The following ADCY2 variants were observed in gnomAD, a reference collection of about 807,000 sequenced individuals.
ADCY2 encodes the protein adenylate cyclase type 2.
Under a neutral mutation model 125.2 loss-of-function variants are expected in ADCY2, and 31 were observed. The ratio of observed to expected loss-of-function variants is 0.25; its 90% CI spans 0.19 to 0.33. The LOEUF is 0.33. Among genes scored for constraint, ADCY2 ranks in the 10% least tolerant of loss-of-function variants. ADCY2 has a pLI of 1.00. For missense variants in ADCY2, 904 were observed against 1,418.2 expected, an observed-to-expected ratio of 0.64 and a Z score of 5.82; for synonymous variants, 512 against 548.4, an observed-to-expected ratio of 0.93 and a Z score of 0.93.
chr5:7,794,712 C>G (rs898356684), intron 20 of ADCY2: 2 of 152,148 alleles, frequency 1.3e-5, no homozygotes, highest in African/African-American at 4.8e-5. Flanking sequence ...GCCATCGGAC[C>G]CTGCTGCCCT....
At chr5:7,812,476 C>A (rs373783313) in intron 22 of ADCY2, among the ~76,000 whole-genome samples, 1 of 152,166 alleles carries the variant, frequency 6.6e-6, no homozygotes, top group Non-Finnish European at 1.5e-5. Flanking sequence ...TAGTATCTTC[C>A]TCCTAGGTGG....
At chr5:7,752,192 G>A (rs934737356) in intron 15 of ADCY2, among the ~76,000 whole-genome samples, 4 of 152,290 alleles carry the variant, frequency 2.6e-5, no homozygotes, top group African/African-American at 9.6e-5. Context: ...CTTCCTATGG[G>A]AAATTAAAGG....
Position 7,517,455 on chromosome 5 carries a change from T to C in ADCY2, c.409-3283T>C, listed in dbSNP as rs188796973. ...TTTGAAGTTGCATTGGAAAGCAGGC[T>C]TAAAAAAAATGAGAACTCTTTGAGA... On this transcript the variant is annotated intron_variant, in intron 2 of 24. Coordinates refer to ENST00000338316, the MANE Select transcript of ADCY2 (RefSeq NM_020546.3). 2.8e-4 allele frequency among the ~76,000 whole-genome samples: 43 copies of C among 152,274 alleles called. 1 individual carries two copies. The East Asian group carries it at 8.3e-3, about 29-fold the overall frequency.
intron 18 of ADCY2, among the ~76,000 whole-genome samples, chr5:7,774,617 A>G (rs1348584071): frequency 6.6e-6 from 1 of 152,208 alleles, no homozygotes; most frequent in Admixed American, 6.5e-5. Context: ...TAATCTCTGA[A>G]TGGAACCCTA....
intron 16 of ADCY2, among the ~76,000 whole-genome samples, chr5:7,761,373 C>T (rs1303022787): frequency 6.6e-6 from 1 of 152,068 alleles, no homozygotes; most frequent in Admixed American, 6.5e-5. Flanking sequence ...TGGTCTTGAA[C>T]TCCTTACCGC....
chr5:7,444,054 T>C (rs1741125898), intron 2 of ADCY2, among the ~76,000 whole-genome samples: 1 of 152,006 alleles, frequency 6.6e-6, no homozygotes, highest in Admixed American at 6.6e-5. Flanking sequence ...GCTATTTTTG[T>C]CCTGTTCTCT....
intron 22 of ADCY2, 64 bp downstream of exon 22, chr5:7,804,756 G>C: frequency 8.3e-7 from 1 of 1,201,390 alleles, no homozygotes; most frequent in Non-Finnish European, 1.2e-6. Context: ...ACCACCCTGG[G>C]ACCAAAACAG....
chr5:7,789,787 G>A lies in ADCY2; in HGVS notation c.2615G>A (p.Ser872Asn). The A allele has an allele frequency of 6.7e-7, 1 of 1,487,862 alleles. No homozygotes were observed. The highest frequency in any genetic ancestry group is 9.1e-7 in the Non-Finnish European group (1 of 1,104,764). 92.2% of individuals were successfully genotyped at this position (1,487,862 alleles called of 1,614,324 possible). A position where few individuals can be genotyped will look rare whatever the true frequency, so the allele number is the denominator to read the frequency against. ...GTGGCTGAGCACTTCCTGGCCAGGA[G>A]CCTGAAGAATGAGGTCAGACCAGGG... is the stretch of plus-strand genomic sequence containing the variant. ...AHVAEHFLAR[S>N]LKNEELYHQS... Residue 872 changes from serine to asparagine, a missense_variant, in exon 20 of 25, where the codon AGC (serine) becomes AAC (asparagine). By Grantham distance (46) the Ser-to-Asn change is conservative. Coordinates refer to ENST00000338316, the MANE Select transcript of ADCY2 (RefSeq NM_020546.3).
chr5:7,647,730 C>T (rs1191422227), intron 4 of ADCY2, among the ~76,000 whole-genome samples: 1 of 152,190 alleles, frequency 6.6e-6, no homozygotes, highest in Non-Finnish European at 1.5e-5. Context: ...GCCTTTTACT[C>T]TAGACTTCTC....
At chr5:7,772,320 G>A (rs113418985) in intron 17 of ADCY2, among the ~76,000 whole-genome samples, 3 of 152,284 alleles carry the variant, frequency 2.0e-5, no homozygotes, top group African/African-American at 7.2e-5. Flanking sequence ...CCAGCTCGCT[G>A]GCCGCCACTT....
At position 7,468,683 on chromosome 5, in the gene ADCY2, C is replaced by G. The variant is rs886846526; in HGVS notation, c.409-52055C>G. Among the ~76,000 whole-genome samples, 6 of 152,218 alleles carry G rather than the reference C, an allele frequency of 3.9e-5. No individual in the cohort carries two copies. In the East Asian group the frequency reaches 1.2e-3, roughly 29 times the overall value. Reference sequence around the variant, plus strand: ...TATCTTGCTGCTTAGCTAAAACCCTCCTATTTATCTGCCAGGTCTAGAAGT... The same window carrying G: ...TATCTTGCTGCTTAGCTAAAACCCTGCTATTTATCTGCCAGGTCTAGAAGT... On this transcript the variant is annotated intron_variant, in intron 2 of 24. Transcript: ENST00000338316.
At chr5:7,404,963 G>A (rs1260032296) in intron 1 of ADCY2, among the ~76,000 whole-genome samples, 1 of 152,144 alleles carries the variant, frequency 6.6e-6, no homozygotes. Flanking sequence ...CTTGATATGG[G>A]ATCTGGTTTC....
intron 4 of ADCY2, among the ~76,000 whole-genome samples, chr5:7,668,969 A>T (rs73051883): frequency 0.014 from 2,187 of 152,318 alleles, 54 homozygotes; most frequent in African/African-American, 0.049. Context: ...TTCCTGAAAC[A>T]TAATTCTATA....
chr5:7,650,948 G>T (rs1739066292), intron 4 of ADCY2, among the ~76,000 whole-genome samples: 1 of 152,050 alleles, frequency 6.6e-6, no homozygotes, highest in Non-Finnish European at 1.5e-5. Context: ...CGGTGGTTAG[G>T]TTACCACTCC....
intron 2 of ADCY2, among the ~76,000 whole-genome samples, chr5:7,510,972 A>C (rs933696744): frequency 1.3e-5 from 2 of 152,174 alleles, no homozygotes; most frequent in Non-Finnish European, 2.9e-5. Context: ...TGTGTGCAGC[A>C]CCTGACACAT....
At chr5:7,565,401 G>A (rs551673112) in intron 3 of ADCY2, among the ~76,000 whole-genome samples, 4 of 152,112 alleles carry the variant, frequency 2.6e-5, no homozygotes, top group African/African-American at 9.7e-5. Context: ...TGAAATAACC[G>A]CAGAACTTAC....
At chr5:7,527,221 C>T (rs1285100702) in intron 3 of ADCY2, among the ~76,000 whole-genome samples, 1 of 152,212 alleles carries the variant, frequency 6.6e-6, no homozygotes, top group Non-Finnish European at 1.5e-5. Flanking sequence ...GGGATCATGC[C>T]TTCCAGCCAG....
intron 1 of ADCY2, among the ~76,000 whole-genome samples, chr5:7,405,980 C>T (rs1029531608): frequency 1.3e-5 from 2 of 152,080 alleles, no homozygotes; most frequent in African/African-American, 4.8e-5. Flanking sequence ...CCATCTCAGC[C>T]TCCTGAGTAG....
At chr5:7,531,778 A>T (rs747175253) in intron 3 of ADCY2, among the ~76,000 whole-genome samples, 1 of 152,194 alleles carries the variant, frequency 6.6e-6, no homozygotes, top group Non-Finnish European at 1.5e-5. Flanking sequence ...AGATGATCTC[A>T]TTGCAGCATA....
Sources: gnomAD v4.1 joint callset for allele counts (sites outside exome capture counted in the v4.1 genomes callset) on GRCh38, gnomAD v4.1.1 for gene constraint, MANE v1.5 for transcripts, NCBI Gene and HGNC (gene_info 2026-07-23, HGNC 2026-07-21) for gene names.